The following CENPE variants were observed in gnomAD, a reference collection of about 807,000 sequenced individuals.
The protein encoded by CENPE is centromere-associated protein E.
Under a neutral mutation model 336.1 loss-of-function variants are expected in CENPE, and 145 were observed. The observed-to-expected ratio is 0.43, with a 90% CI of 0.38 to 0.50. The LOEUF (loss-of-function observed/expected upper bound fraction) is 0.50. CENPE is among the 20% of genes least tolerant of loss of function. The pLI is 0.00. For synonymous variants in CENPE, 1,013 were observed against 984.8 expected, an observed-to-expected ratio of 1.03 and a Z score of -0.54; for missense variants, 2,719 against 3,023.3, an observed-to-expected ratio of 0.90 and a Z score of 2.36.
intron 8 of CENPE, among the ~76,000 whole-genome samples, chr4:103,191,326 C>A (rs954967970): frequency 6.6e-6 from 1 of 152,178 alleles, no homozygotes; most frequent in Admixed American, 6.5e-5. Context: ...TAAAATCATG[C>A]TGCTATAAAG....
intron 8 of CENPE, among the ~76,000 whole-genome samples, chr4:103,191,100 C>T (rs1578695347): frequency 6.6e-6 from 1 of 152,136 alleles, no homozygotes; most frequent in Non-Finnish European, 1.5e-5. Context: ...CAATGAGATA[C>T]CATCTCACAC....
At chr4:103,172,970 A>T (rs960601971) in intron 16 of CENPE, among the ~76,000 whole-genome samples, 1 of 152,048 alleles carries the variant, frequency 6.6e-6, no homozygotes, top group South Asian at 2.1e-4. Context: ...ATCTATCAAA[A>T]CACCAAAGAC....
chr4:103,135,455 G>T (rs1423932934), intron 40 of CENPE, among the ~76,000 whole-genome samples: 2 of 152,018 alleles, frequency 1.3e-5, no homozygotes, highest in Non-Finnish European at 2.9e-5. Flanking sequence ...CCAAATCCAA[G>T]AACTCCATCT....
chr4:103,195,405 A>C (rs1234190849), intron 4 of CENPE, among the ~76,000 whole-genome samples, 172 bp from the exon 5 acceptor site: 1 of 152,096 alleles, frequency 6.6e-6, no homozygotes, highest in Non-Finnish European at 1.5e-5. Context: ...ATCGTTACAG[A>C]AATAATGAAA....
intron 46 of CENPE, among the ~76,000 whole-genome samples, chr4:103,112,447 T>A: frequency 6.9e-6 from 1 of 145,376 alleles, no homozygotes; most frequent in South Asian, 2.1e-4. Context: ...ATACATATAC[T>A]TATATATACA....
chr4:103,115,508 A>C (rs1750015835), intron 45 of CENPE, among the ~76,000 whole-genome samples: 1 of 152,198 alleles, frequency 6.6e-6, no homozygotes, highest in Non-Finnish European at 1.5e-5. Flanking sequence ...ACTGAAACCA[A>C]TAGACTGCTT....
chr4:103,143,150 C>A, intron 34 of CENPE, 98 bp downstream of exon 34: 1 of 752,412 alleles, frequency 1.3e-6, no homozygotes. Flanking sequence ...AGTAAGTCTT[C>A]ACTTGCCTTC....
rs370262562 is a variant in CENPE, at chr4:103,188,429, G to C, written c.694-2568C>G. ...TCAGCAAATGTAAAAGAACAGAAAT[G>C]ATAACAAACTGTCTCTCAGACCACA... On this transcript the variant is annotated intron_variant, in intron 8 of 48. Coordinates refer to ENST00000265148, the MANE Select transcript of CENPE (RefSeq NM_001813.3). Among the ~76,000 whole-genome samples, 8 of 152,038 alleles carry C rather than the reference G, an allele frequency of 5.3e-5. No homozygotes were observed. The South Asian group carries it at 1.2e-3, about 24-fold the overall frequency.
rs1757719458 is a variant in CENPE at position 103,196,212 on chromosome 4, A to G, written c.189T>C (p.Tyr63=). The G allele has an allele frequency of 6.2e-7, 1 of 1,613,840 alleles. No individual in the cohort carries two copies. The highest frequency in any genetic ancestry group is 8.5e-7 in the Non-Finnish European group (1 of 1,179,800). The change falls in exon 3 of 49, where the codon TAT becomes TAC. Residue 63 remains tyrosine (Y), a synonymous_variant. Coordinates refer to ENST00000265148, the MANE Select transcript of CENPE (RefSeq NM_001813.3). ...CGATGATTGGTGCTGCTATTTCTTCATACACATTTTTGGTAGTTTCATTAC... is the reference window on the plus strand; with the variant it reads ...CGATGATTGGTGCTGCTATTTCTTCGTACACATTTTTGGTAGTTTCATTAC... ...FHGNETTKNV[Y]EEIAAPIIDS... is the part of the protein sequence containing the mutation.
intron 46 of CENPE, among the ~76,000 whole-genome samples, chr4:103,113,573 ATTT>A (rs1317738906): frequency 7.0e-6 from 1 of 142,352 alleles, no homozygotes; most frequent in Non-Finnish European, 1.5e-5. Flanking sequence ...AGTAATATAT[ATTT>A]TATATTACTT....
chr4:103,180,260 C>A, intron 13 of CENPE, 51 bp downstream of exon 13: 2 of 1,488,642 alleles, frequency 1.3e-6, no homozygotes, highest in Admixed American at 1.9e-5. Context: ...TATAGAAATA[C>A]CAATTCTATT....
In CENPE at chr4:103,119,267, T is replaced by TG. The variant is rs1750401347; in HGVS notation, c.7329+880dup. The stretch of plus-strand genomic sequence containing the variant: ...CTAGAATGTAAGTTCCTTGATGGCA[T>TG]GGTCTTTGTTTTTTCATTGGCCTCT... On this transcript the variant is annotated intron_variant, in intron 44 of 48. Coordinates refer to ENST00000265148, the MANE Select transcript of CENPE (RefSeq NM_001813.3). 2.0e-5 allele frequency among the ~76,000 whole-genome samples: 3 copies of TG among 152,314 alleles called. No individual in the cohort carries two copies. The South Asian group carries it at 6.2e-4, about 32-fold the overall frequency.
chr4:103,176,810 T>C (rs750035942), intron 14 of CENPE, 89 bp downstream of exon 14: 17 of 978,600 alleles, frequency 1.7e-5, no homozygotes, highest in Non-Finnish European at 2.4e-5. Flanking sequence ...TTAAACATGT[T>C]TATCACATTA....
intron 28 of CENPE, 69 bp from the exon 29 acceptor site, chr4:103,147,715 A>G: frequency 7.4e-7 from 1 of 1,346,504 alleles, no homozygotes; most frequent in Non-Finnish European, 1.0e-6. Context: ...TTTTTTTGAG[A>G]CGGCATCTCA....
chr4:103,188,386 T>G (rs1756995283), intron 8 of CENPE, among the ~76,000 whole-genome samples: 1 of 152,190 alleles, frequency 6.6e-6, no homozygotes, highest in Non-Finnish European at 1.5e-5. Flanking sequence ...GACCACATAG[T>G]TGGAAGTAAA....
chr4:103,158,473 T>C lies in CENPE; in HGVS notation c.2875-15A>G, dbSNP rs1754144500. ...GTATCTATATTCTTTGTTAGAAAAA[T>C]ATAAAAACAATTTCCATTAGAATAT... On this transcript the variant is annotated splice_polypyrimidine_tract_variant and intron_variant, in intron 23 of 48. Transcript: ENST00000265148. 1.3e-6 allele frequency: 2 copies of C among 1,529,562 alleles called. No individual in the cohort carries two copies. Among genetic ancestry groups the C allele is most frequent in the Non-Finnish European group, 1.8e-6 (2 of 1,139,948 alleles). The allele number at this position is 1,529,562 out of a possible 1,614,324, so 94.7% of individuals were successfully genotyped here. A position where few individuals can be genotyped will look rare whatever the true frequency, so the allele number is the denominator to read the frequency against.
At chr4:103,127,117 A>C (rs1187149959) in intron 42 of CENPE, among the ~76,000 whole-genome samples, 2 of 151,112 alleles carry the variant, frequency 1.3e-5, no homozygotes, top group Admixed American at 6.6e-5. Flanking sequence ...AAAAAACCAA[A>C]AAAACCCCCG....
In CENPE at chr4:103,110,818, C is replaced by T; in HGVS notation, c.7724+10G>A. The T allele has an allele frequency of 6.4e-7, 1 of 1,569,598 alleles. No homozygotes were observed. Among genetic ancestry groups the T allele is most frequent in the Non-Finnish European group, 8.6e-7 (1 of 1,157,692 alleles). ...AAGCATAATATCCGTATCATGTAAGCAGATCTTACCTTAACAATTCATTCT... is the reference window on the plus strand; with the variant it reads ...AAGCATAATATCCGTATCATGTAAGTAGATCTTACCTTAACAATTCATTCT... On this transcript the variant is annotated intron_variant, in intron 47 of 48. Coordinates refer to ENST00000265148, the MANE Select transcript of CENPE (RefSeq NM_001813.3).
At chr4:103,159,667 A>AT (rs759759220) in intron 21 of CENPE, among the ~76,000 whole-genome samples, 18 of 151,936 alleles carry the variant, frequency 1.2e-4, no homozygotes, top group Non-Finnish European at 2.5e-4. Context: ...AGAATTTGAC[A>AT]TTTTTTTCCC....
Sources: allele counts gnomAD v4.1 joint callset (sites outside exome capture counted in the v4.1 genomes callset), GRCh38; gene constraint gnomAD v4.1.1; transcripts MANE v1.5; gene names NCBI Gene and HGNC (gene_info 2026-07-23, HGNC 2026-07-21).